THSD7B: variants seen among roughly 807,000 people sequenced by gnomAD.
THSD7B encodes thrombospondin type 1 domain containing 7B, also known as thrombospondin type-1 domain-containing protein 7B.
THSD7B carries 138 observed loss-of-function variants against 213.6 expected under a neutral mutation model. That is an observed-to-expected ratio of 0.65 (90% CI 0.56 to 0.74). The LOEUF (loss-of-function observed/expected upper bound fraction) is 0.74, where lower values mean the gene tolerates loss of function less well. Among genes scored for constraint, THSD7B ranks in the 30% least tolerant of loss-of-function variants. The pLI is 0.00. For missense variants in THSD7B, 1,931 were observed against 1,991.5 expected (o/e 0.97, Z 0.58); for synonymous variants, 742 against 687.0 (o/e 1.08, Z -1.25).
chr2:137,409,523 C>G (rs1469972648), intron 13 of THSD7B, among the ~76,000 whole-genome samples: 2 of 151,998 alleles, frequency 1.3e-5, no homozygotes, highest in Non-Finnish European at 2.9e-5. Context: ...GTAGATTTTT[C>G]AGTCTATGGA....
At chr2:137,206,606 A>G (rs962708124) in intron 7 of THSD7B, among the ~76,000 whole-genome samples, 1 of 152,060 alleles carries the variant, frequency 6.6e-6, no homozygotes. Flanking sequence ...GCTGCCAGCC[A>G]CCACTCCCTA....
At chr2:137,363,965 T>C (rs1685338862) in intron 12 of THSD7B, among the ~76,000 whole-genome samples, 1 of 152,210 alleles carries the variant, frequency 6.6e-6, no homozygotes, top group African/African-American at 2.4e-5. Flanking sequence ...CCAATATCCC[T>C]GATGAACTTT....
chr2:137,340,732 A>G (rs958068715), intron 12 of THSD7B, among the ~76,000 whole-genome samples: 1 of 151,810 alleles, frequency 6.6e-6, no homozygotes. Context: ...CTCCAGTTCC[A>G]TTCATATGAT....
chr2:137,356,256 A>G (rs1028419852), intron 12 of THSD7B, among the ~76,000 whole-genome samples: 2 of 152,140 alleles, frequency 1.3e-5, no homozygotes, highest in African/African-American at 4.8e-5. Flanking sequence ...ATGCCCGCTC[A>G]GGGCTACTTT....
In THSD7B at chr2:137,608,363, CTT is replaced by C. The variant is rs200191662; in HGVS notation, c.3424-7800_3424-7799del. Among the ~76,000 whole-genome samples, 1,020 of 142,978 alleles carry C rather than the reference CTT, an allele frequency of 7.1e-3. 12 individuals carry two copies. Among genetic ancestry groups the C allele is most frequent in the Admixed American group, 0.038 (544 of 14,340 alleles). The allele number at this position is 142,978 out of a possible 152,430, so 93.8% of individuals were successfully genotyped here. On this transcript the variant is annotated intron_variant, in intron 17 of 27. Coordinates refer to ENST00000409968, the MANE Select transcript of THSD7B (RefSeq NM_001316349.2). Reference sequence around the variant, plus strand: ...GCAATCACAATACAGCTCTGTGGTGCTTTTTTTTTTTTTAACCAGTTATCTTC... The same window carrying C: ...GCAATCACAATACAGCTCTGTGGTGCTTTTTTTTTTTAACCAGTTATCTTC...
At chr2:137,207,821 T>C (rs57674271) in intron 7 of THSD7B, among the ~76,000 whole-genome samples, 1 of 152,208 alleles carries the variant, frequency 6.6e-6, no homozygotes, top group African/African-American at 2.4e-5. Flanking sequence ...TGATCTCTGC[T>C]TATATTATTG....
In THSD7B at chr2:137,632,696, C is replaced by G. The variant is rs577025289; in HGVS notation, c.3800-9792C>G. On this transcript the variant is annotated intron_variant, in intron 20 of 27. Transcript: ENST00000409968. ...AGCAATGTCAAAAGTGCTTAATCTT[C>G]TGCCATAAAATGCCATAAAAGCAAT... Among the ~76,000 whole-genome samples, 119 of 152,258 alleles carry G rather than the reference C, an allele frequency of 7.8e-4. 3 individuals are homozygous for G. In the South Asian group the frequency reaches 0.021, roughly 26 times the overall value.
At chr2:136,988,902 T>A (rs1357611574) in intron 2 of THSD7B, among the ~76,000 whole-genome samples, 1 of 152,108 alleles carries the variant, frequency 6.6e-6, no homozygotes, top group East Asian at 1.9e-4. Flanking sequence ...AGAAAAACAA[T>A]GAATCAGAAA....
chr2:137,444,298 T>C lies in THSD7B; in HGVS notation c.2960-6547T>C, dbSNP rs150244737. On this transcript the variant is annotated intron_variant, in intron 14 of 27. Coordinates refer to ENST00000409968, the MANE Select transcript of THSD7B (RefSeq NM_001316349.2). ...ATTTACATTTTCACATGCTGATGGA[T>C]TGAGATTTTAAGTAAGCGTTTAACA... Among the ~76,000 whole-genome samples, 1,362 of 152,140 alleles carry C rather than the reference T, an allele frequency of 9.0e-3. 17 individuals are homozygous for C. The highest frequency in any genetic ancestry group is 0.031 in the African/African-American group (1,289 of 41,532).
At chr2:137,233,597 T>C (rs547892065) in intron 9 of THSD7B, among the ~76,000 whole-genome samples, 1 of 152,294 alleles carries the variant, frequency 6.6e-6, no homozygotes, top group East Asian at 1.9e-4. Context: ...AATGAATCCA[T>C]GCCCTCCAGA....
intron 3 of THSD7B, among the ~76,000 whole-genome samples, chr2:137,086,810 T>C (rs1043780651): frequency 2.0e-5 from 3 of 152,158 alleles, no homozygotes; most frequent in African/African-American, 2.4e-5. Context: ...ATACCAAGAA[T>C]TGGGAGCATG....
chr2:137,525,653 A>G (rs765369128), intron 15 of THSD7B, among the ~76,000 whole-genome samples: 13 of 152,204 alleles, frequency 8.5e-5, no homozygotes, highest in Non-Finnish European at 1.6e-4. Context: ...TTGTTTAAAT[A>G]TCATTAATAA....
intron 20 of THSD7B, among the ~76,000 whole-genome samples, chr2:137,626,545 C>T (rs1011911809): frequency 1.8e-4 from 28 of 151,632 alleles, no homozygotes; most frequent in Non-Finnish European, 4.0e-4. Context: ...CCACCTGGCT[C>T]TCTTTTAGCC....
intron 12 of THSD7B, among the ~76,000 whole-genome samples, chr2:137,316,305 G>T (rs1684097712): frequency 6.6e-6 from 1 of 152,214 alleles, no homozygotes; most frequent in African/African-American, 2.4e-5. Flanking sequence ...GAATGCCACA[G>T]TCCTCATTTT....
intron 12 of THSD7B, among the ~76,000 whole-genome samples, chr2:137,363,544 G>A (rs1251262857): frequency 2.0e-5 from 3 of 152,026 alleles, no homozygotes; most frequent in Non-Finnish European, 4.4e-5. Flanking sequence ...AATAAAAAAT[G>A]ATAAAGGGGA....
chr2:137,608,183 G>C (rs1682223123), intron 17 of THSD7B, among the ~76,000 whole-genome samples: 1 of 152,028 alleles, frequency 6.6e-6, no homozygotes, highest in African/African-American at 2.4e-5. Flanking sequence ...CTTATTTATT[G>C]TTCTATTCCT....
intron 15 of THSD7B, among the ~76,000 whole-genome samples, chr2:137,542,987 A>T (rs1680636901): frequency 1.3e-5 from 2 of 151,770 alleles, no homozygotes; most frequent in African/African-American, 4.8e-5. Flanking sequence ...AGGTGAAAAG[A>T]TCAAAACGGA....
intron 14 of THSD7B, among the ~76,000 whole-genome samples, chr2:137,415,549 A>G (rs1323857352): frequency 6.6e-6 from 1 of 152,036 alleles, no homozygotes; most frequent in East Asian, 1.9e-4. Flanking sequence ...TGTCGTCTCC[A>G]TCTGTGTGAC....
At chr2:137,346,921 T>C (rs1361560325) in intron 12 of THSD7B, among the ~76,000 whole-genome samples, 1 of 151,728 alleles carries the variant, frequency 6.6e-6, no homozygotes, top group Non-Finnish European at 1.5e-5. Flanking sequence ...GAGATTCTGA[T>C]TTCATTATTT....
Sources: allele counts gnomAD v4.1 joint callset (sites outside exome capture counted in the v4.1 genomes callset), GRCh38; gene constraint gnomAD v4.1.1; transcripts MANE v1.5; gene names NCBI Gene and HGNC (gene_info 2026-07-23, HGNC 2026-07-21).